Variants in CRTC3 observed in about 807,000 individuals in gnomAD.
CRTC3 encodes CREB-regulated transcription coactivator 3.
Under a neutral mutation model 74.5 loss-of-function variants are expected in CRTC3, and 26 were observed. The observed-to-expected ratio is 0.35, with a 90% CI of 0.26 to 0.48. CRTC3 has a LOEUF of 0.48. CRTC3 is among the 20% of genes least tolerant of loss of function. The pLI, the probability that CRTC3 is intolerant of heterozygous loss-of-function variation, is 0.99. For synonymous variants in CRTC3, 377 were observed against 325.8 expected, an observed-to-expected ratio of 1.16 and a Z score of -1.69; for missense variants, 760 against 787.3, an observed-to-expected ratio of 0.97 and a Z score of 0.41.
At chr15:90,635,343 T>C (rs953434264) in intron 11 of CRTC3, among the ~76,000 whole-genome samples, 1 of 152,092 alleles carries the variant, frequency 6.6e-6, no homozygotes, top group African/African-American at 2.4e-5. Context: ...CCTGGTGTCA[T>C]AAGTTTTACA....
intron 2 of CRTC3, among the ~76,000 whole-genome samples, chr15:90,565,623 G>C (rs1831339280): frequency 6.6e-6 from 1 of 152,182 alleles, no homozygotes; most frequent in African/African-American, 2.4e-5. Flanking sequence ...AATGGCATGT[G>C]GCTCACTTCA....
At chr15:90,545,784 T>C (rs1016193489) in intron 2 of CRTC3, among the ~76,000 whole-genome samples, 3 of 152,078 alleles carry the variant, frequency 2.0e-5, no homozygotes, top group African/African-American at 4.8e-5. Context: ...TTCACTGTGT[T>C]AGCCAGGATG....
At position 90,629,363 on chromosome 15, in the gene CRTC3, T is replaced by C; in HGVS notation, c.1097T>C (p.Leu366Pro). The change falls in exon 11 of 15, where the codon CTG becomes CCG. Residue 366 changes from leucine (L) to proline (P), a missense_variant. Transcript: ENST00000268184. Reference sequence around the variant, plus strand: ...TCTGCTCTTCACCCTTCGCTCCGTCTGTTTTCCCTTAGCAACCCATCTCTT... The same window carrying C: ...TCTGCTCTTCACCCTTCGCTCCGTCCGTTTTCCCTTAGCAACCCATCTCTT... ...NASALHPSLR[L>P]FSLSNPSLST... is the part of the protein sequence containing the mutation. 1.2e-6 allele frequency: 2 copies of C among 1,614,126 alleles called. No individual in the cohort carries two copies. Among genetic ancestry groups the C allele is most frequent in the East Asian group, 4.5e-5 (2 of 44,880 alleles).
At chr15:90,607,560 GTGT>G (rs963987116) in intron 6 of CRTC3, 82 bp downstream of exon 6, 2 of 848,252 alleles carry the variant, frequency 2.4e-6, no homozygotes, top group Admixed American at 2.2e-5. Flanking sequence ...AGCTGAAGTG[GTGT>G]TTGCGCTTCC....
chr15:90,627,778 C>G (rs532228444), intron 10 of CRTC3, among the ~76,000 whole-genome samples: 1 of 121,098 alleles, frequency 8.3e-6, no homozygotes, highest in Non-Finnish European at 1.8e-5. Flanking sequence ...CCTGCCACCA[C>G]GCCCGGCTAA....
Position 90,530,056 on chromosome 15 carries a change from G to C in CRTC3, c.-16G>C. On this transcript the variant is annotated 5_prime_UTR_variant, in exon 1 of 15. Coordinates refer to ENST00000268184, the MANE Select transcript of CRTC3 (RefSeq NM_022769.5). This position sits in a 1 kb window ranked among gnomAD's most constrained non-coding sequence, Gnocchi z 6.2. ...CGGCCGCCGTCTCCCGCTTCTGCCCGCGCAGAGTCCGCGCCATGGCCGCCT... is the reference window on the plus strand; with the variant it reads ...CGGCCGCCGTCTCCCGCTTCTGCCCCCGCAGAGTCCGCGCCATGGCCGCCT... 4.2e-6 allele frequency: 6 copies of C among 1,412,278 alleles called. No homozygotes were observed. Among genetic ancestry groups the C allele is most frequent in the Non-Finnish European group, 5.6e-6 (6 of 1,066,980 alleles). 87.5% of individuals were successfully genotyped at this position (1,412,278 alleles called of 1,614,324 possible). A position where few individuals can be genotyped will look rare whatever the true frequency, so the allele number is the denominator to read the frequency against.
At chr15:90,639,447 CTTTTTTTTT>C (rs144912546) in intron 13 of CRTC3, among the ~76,000 whole-genome samples, 1 of 124,084 alleles carries the variant, frequency 8.1e-6, no homozygotes, top group Admixed American at 8.0e-5. Context: ...GGTTCCAGAA[CTTTTTTTTT>C]TTTTTTTTTT....
rs202128462 is a variant in CRTC3 at position 90,619,798 on chromosome 15, A to T, written c.749+8A>T. On this transcript the variant is annotated splice_region_variant and intron_variant, in intron 9 of 14. Transcript: ENST00000268184. ...TGATGTTGGAGGTGGCAAGTAAGTAATATTCTTTCTGTTCGTGTTTCAGGG... is the reference window on the plus strand; with the variant it reads ...TGATGTTGGAGGTGGCAAGTAAGTATTATTCTTTCTGTTCGTGTTTCAGGG... 25 of 1,611,102 alleles carry T rather than the reference A, an allele frequency of 1.6e-5. 1 individual carries two copies. In the Admixed American group the frequency reaches 2.7e-4, roughly 17 times the overall value.
Position 90,627,988 on chromosome 15 carries a change from C to A in CRTC3, c.968-1246C>A, listed in dbSNP as rs181718576. 2.0e-5 allele frequency among the ~76,000 whole-genome samples: 3 copies of A among 149,722 alleles called. No homozygotes were observed. In the South Asian group the frequency reaches 6.5e-4, roughly 32 times the overall value. ...ATCCCGGCACTTTGGGAGGCCGAGG[C>A]GAGTGGATCACGAGGTCAGGAGATC... On this transcript the variant is annotated intron_variant, in intron 10 of 14. Transcript: ENST00000268184.
intron 2 of CRTC3, among the ~76,000 whole-genome samples, chr15:90,543,875 C>T (rs1966839376): frequency 6.6e-6 from 1 of 152,166 alleles, no homozygotes; most frequent in African/African-American, 2.4e-5. Flanking sequence ...CTCCATCCCC[C>T]ACCTCCAGCC....
At chr15:90,573,845 C>G (rs1449179006) in intron 2 of CRTC3, among the ~76,000 whole-genome samples, 1 of 152,206 alleles carries the variant, frequency 6.6e-6, no homozygotes, top group East Asian at 1.9e-4. Flanking sequence ...CCACCCAGTT[C>G]ACTCCCCACA....
chr15:90,635,869 AAGG>A (rs1330265617), intron 11 of CRTC3, among the ~76,000 whole-genome samples: 1 of 152,144 alleles, frequency 6.6e-6, no homozygotes, highest in Admixed American at 6.5e-5. Context: ...GGACCTCTTC[AAGG>A]AGAACTACAA....
At chr15:90,602,841 GCACA>G (rs1968109871) in intron 4 of CRTC3, among the ~76,000 whole-genome samples, 1 of 151,898 alleles carries the variant, frequency 6.6e-6, no homozygotes, top group Non-Finnish European at 1.5e-5. Context: ...GGGCATGACA[GCACA>G]TGCCTGTAAT....
chr15:90,577,863 G>A (rs1255651195), intron 2 of CRTC3, among the ~76,000 whole-genome samples: 2 of 152,096 alleles, frequency 1.3e-5, no homozygotes, highest in Non-Finnish European at 1.5e-5. Context: ...GCTACCAGAG[G>A]CCAGGAAAGG....
intron 6 of CRTC3, among the ~76,000 whole-genome samples, chr15:90,612,134 C>T (rs1596124470): frequency 6.6e-6 from 1 of 150,416 alleles, no homozygotes; most frequent in African/African-American, 2.4e-5. Flanking sequence ...CCTTCAGCTT[C>T]GCTTCCGGTT....
At chr15:90,563,601 C>T (rs1967059915) in intron 2 of CRTC3, among the ~76,000 whole-genome samples, 1 of 152,148 alleles carries the variant, frequency 6.6e-6, no homozygotes, top group Admixed American at 6.5e-5. Flanking sequence ...TTCTGTATTG[C>T]ACTACTTGCC....
intron 2 of CRTC3, among the ~76,000 whole-genome samples, chr15:90,544,857 TTTTAAAGTAG>T (rs1222754144): frequency 6.6e-6 from 1 of 152,218 alleles, no homozygotes; most frequent in African/African-American, 2.4e-5. Context: ...CTTAACCATT[TTTTAAAGTAG>T]TTTATTGGTA....
rs531332205 is a variant in CRTC3, at chr15:90,593,523, A to G, written c.232-113A>G. On this transcript the variant is annotated intron_variant, in intron 2 of 14. Transcript: ENST00000268184. ...CTTGACCCAAGGCCCACTAATGTAT[A>G]ATAAGTAAAACTGTAAAATCGGTCC... The G allele has an allele frequency of 7.6e-4, 951 of 1,254,458 alleles. 7 individuals carry two copies. Among genetic ancestry groups the G allele is most frequent in the Middle Eastern group, 4.5e-3 (22 of 4,858 alleles). 77.7% of individuals were successfully genotyped at this position (1,254,458 alleles called of 1,614,324 possible).
At position 90,601,226 on chromosome 15, in the gene CRTC3, G is replaced by A. The variant is rs767507297; in HGVS notation, c.352-1098G>A. On this transcript the variant is annotated intron_variant, in intron 3 of 14. Transcript: ENST00000268184. ...AGTGCAGCATCCCATTTGTGTCTCC[G>A]TGCGTCCAGAATATGCTCCAAGGCA... Among the ~76,000 whole-genome samples, 4 of 152,102 alleles carry A rather than the reference G, an allele frequency of 2.6e-5. No individual in the cohort carries two copies. In the East Asian group the frequency reaches 5.8e-4, roughly 22 times the overall value.
Sources: gnomAD v4.1 joint callset for allele counts (sites outside exome capture counted in the v4.1 genomes callset) on GRCh38, gnomAD v4.1.1 for gene constraint, Gnocchi (gnomAD v3.1) non-coding constraint, MANE v1.5 for transcripts, NCBI Gene and HGNC (gene_info 2026-07-23, HGNC 2026-07-21) for gene names.